Variants in DIAPH2 observed in about 807,000 individuals in gnomAD.
DIAPH2 encodes the protein protein diaphanous homolog 2.
DIAPH2 carries 35 observed loss-of-function variants against 92.7 expected under a neutral mutation model. The observed-to-expected ratio is 0.38, with a 90% CI of 0.29 to 0.50. The LOEUF (loss-of-function observed/expected upper bound fraction) is 0.50, where lower values mean the gene tolerates loss of function less well. Ranked by LOEUF, DIAPH2 falls within the 20% of genes least tolerant of loss-of-function variation. The pLI, the probability that DIAPH2 is intolerant of heterozygous loss-of-function variation, is 0.94. For synonymous variants in DIAPH2, 301 were observed against 280.4 expected (o/e 1.07, Z -0.73); for missense variants, 701 against 819.5 (o/e 0.86, Z 1.77).
At chrX:97,349,974 A>C (rs2147692099) in intron 24 of DIAPH2, among the ~76,000 whole-genome samples, 1 of 111,901 alleles carries the variant, frequency 8.9e-6, no homozygotes, top group African/African-American at 3.2e-5. Flanking sequence ...TAAATCCAAT[A>C]ATTTTTTTTG....
At chrX:97,222,172 A>AGATGATGATGAT (rs56742311) in intron 22 of DIAPH2, among the ~76,000 whole-genome samples, 1 of 104,073 alleles carries the variant, frequency 9.6e-6, no homozygotes, top group Non-Finnish European at 1.9e-5. Flanking sequence ...GGGAGGGTCT[A>AGATGATGATGAT]GATGATGATG....
intron 22 of DIAPH2, among the ~76,000 whole-genome samples, chrX:97,167,028 G>A (rs1165527322): frequency 2.7e-5 from 3 of 111,974 alleles, no homozygotes; most frequent in African/African-American, 6.5e-5. Context: ...ATTGGTGCAT[G>A]TATCTGAATC....
chrX:96,809,210 C>T (rs749299701), intron 4 of DIAPH2, among the ~76,000 whole-genome samples: 156 of 110,314 alleles, frequency 1.4e-3, no homozygotes, highest in Non-Finnish European at 2.5e-3. Flanking sequence ...TCTTCCTAGT[C>T]CAGTAGTAGC....
At chrX:96,814,322 T>C (rs898862952) in intron 4 of DIAPH2, among the ~76,000 whole-genome samples, 1 of 111,988 alleles carries the variant, frequency 8.9e-6, no homozygotes, top group African/African-American at 3.2e-5. Flanking sequence ...GAATCATGTG[T>C]TGAAGCTTGT....
intron 4 of DIAPH2, among the ~76,000 whole-genome samples, chrX:96,811,895 T>A (rs1416984412): frequency 8.9e-6 from 1 of 112,002 alleles, no homozygotes; most frequent in Admixed American, 9.5e-5. Context: ...GGATAAGCTT[T>A]TTGATGTGCA....
At chrX:97,168,550 G>A in intron 22 of DIAPH2, among the ~76,000 whole-genome samples, 1 of 111,137 alleles carries the variant, frequency 9.0e-6, no homozygotes, top group Non-Finnish European at 1.9e-5. Context: ...GTTCTAGGTA[G>A]TGTGGATATG....
intron 22 of DIAPH2, among the ~76,000 whole-genome samples, chrX:97,235,501 G>A (rs1277050329): frequency 9.2e-6 from 1 of 108,472 alleles, no homozygotes. Context: ...CTACTCAGGA[G>A]GCTGAGGCAG....
intron 21 of DIAPH2, among the ~76,000 whole-genome samples, chrX:97,136,213 A>T (rs887982388): frequency 8.9e-6 from 1 of 112,101 alleles, no homozygotes; most frequent in African/African-American, 3.2e-5. Context: ...GTTTATAGTG[A>T]TGGGAAGCTA....
intron 23 of DIAPH2, among the ~76,000 whole-genome samples, chrX:97,254,290 G>A (rs1456131572): frequency 9.0e-6 from 1 of 110,557 alleles, no homozygotes; most frequent in Non-Finnish European, 1.9e-5. Context: ...TCAGAAGTTC[G>A]AGACCAGCCT....
At chrX:97,006,515 C>T (rs2066183738) in intron 17 of DIAPH2, among the ~76,000 whole-genome samples, 1 of 112,059 alleles carries the variant, frequency 8.9e-6, no homozygotes, top group Admixed American at 9.4e-5. Context: ...GAAATGACTC[C>T]TTTAACATTT....
chrX:96,899,474 C>A (rs1300160233), intron 5 of DIAPH2, among the ~76,000 whole-genome samples: 21 of 110,837 alleles, frequency 1.9e-4, no homozygotes, highest in African/African-American at 5.9e-4. Flanking sequence ...TAGGTATTTT[C>A]TTCTCTTTGA....
intron 5 of DIAPH2, among the ~76,000 whole-genome samples, chrX:96,887,005 C>G (rs2065267458): frequency 9.0e-6 from 1 of 110,505 alleles, no homozygotes; most frequent in Non-Finnish European, 1.9e-5. Context: ...AGACCAACCT[C>G]TCTCCCATCC....
intron 26 of DIAPH2, among the ~76,000 whole-genome samples, chrX:97,577,157 T>TTAA (rs1243488802): frequency 1.5e-4 from 17 of 112,051 alleles, no homozygotes; most frequent in Non-Finnish European, 1.7e-4. Flanking sequence ...AAGCTGTCTC[T>TTAA]AGAACCAGCT....
intron 22 of DIAPH2, among the ~76,000 whole-genome samples, chrX:97,171,991 A>C (rs894966614): frequency 1.8e-5 from 2 of 110,924 alleles, no homozygotes; most frequent in African/African-American, 3.3e-5. Flanking sequence ...TAGGTCATGT[A>C]ACGAAGGTTT....
At chrX:96,892,038 A>G (rs970096326) in intron 5 of DIAPH2, among the ~76,000 whole-genome samples, 1 of 112,425 alleles carries the variant, frequency 8.9e-6, no homozygotes, top group African/African-American at 3.2e-5. Flanking sequence ...ATGAAAATAG[A>G]TGGATCTTGA....
intron 26 of DIAPH2, among the ~76,000 whole-genome samples, chrX:97,513,774 A>T (rs1224895133): frequency 3.8e-4 from 32 of 84,189 alleles, no homozygotes; most frequent in Non-Finnish European, 4.4e-4. Context: ...TATGAAGCTT[A>T]GTTTGGCTGG....
intron 25 of DIAPH2, among the ~76,000 whole-genome samples, chrX:97,408,882 G>A (rs915138316): frequency 1.8e-5 from 2 of 111,990 alleles, no homozygotes; most frequent in African/African-American, 3.2e-5. Context: ...GTAGCCTAAC[G>A]GGGAGTTGAA....
At chrX:97,584,033 C>T (rs779235602) in intron 26 of DIAPH2, among the ~76,000 whole-genome samples, 14 of 112,652 alleles carry the variant, frequency 1.2e-4, no homozygotes, top group South Asian at 7.3e-4. Flanking sequence ...TGCTTTGGCT[C>T]GCGCACGGTG....
At chrX:97,437,675 T>C (rs2070201296) in intron 26 of DIAPH2, among the ~76,000 whole-genome samples, 2 of 108,855 alleles carry the variant, frequency 1.8e-5, no homozygotes, top group South Asian at 8.1e-4. Context: ...GATGGAGATA[T>C]GAAGGAGTAA....
Sources: gnomAD v4.1 joint callset for allele counts (sites outside exome capture counted in the v4.1 genomes callset) on GRCh38, gnomAD v4.1.1 for gene constraint, MANE v1.5 for transcripts, NCBI Gene and HGNC (gene_info 2026-07-23, HGNC 2026-07-21) for gene names.